Variants in CBFA2T3 observed in about 807,000 individuals in gnomAD.
CBFA2T3 encodes the protein CBFA2/RUNX1 partner transcriptional co-repressor 3.
In CBFA2T3, 31 loss-of-function variants were observed where a neutral mutation model predicts 58.6. The ratio of observed to expected loss-of-function variants is 0.53; its 90% CI spans 0.40 to 0.71. CBFA2T3 has a LOEUF of 0.71. Ranked by LOEUF, CBFA2T3 falls within the 30% of genes least tolerant of loss-of-function variation. The pLI is 0.00. For synonymous variants in CBFA2T3, 531 were observed against 421.9 expected, an observed-to-expected ratio of 1.26 and a Z score of -3.17; for missense variants, 1,076 against 963.1, an observed-to-expected ratio of 1.12 and a Z score of -1.55.
chr16:88,964,963 T>A (rs1472808459), intron 1 of CBFA2T3, among the ~76,000 whole-genome samples: 1 of 147,932 alleles, frequency 6.8e-6, no homozygotes, highest in Non-Finnish European at 1.5e-5. Context: ...TATCCATCTA[T>A]CCATCCATCC....
intron 3 of CBFA2T3, among the ~76,000 whole-genome samples, chr16:88,894,837 CGAG>C (rs1969823408): frequency 1.3e-5 from 2 of 152,338 alleles, no homozygotes; most frequent in South Asian, 4.1e-4. Flanking sequence ...CTGTGTGCGC[CGAG>C]GAGGAGGGGA....
intron 9 of CBFA2T3, 102 bp downstream of exon 9, chr16:88,881,189 T>A (rs548086880): frequency 3.1e-4 from 321 of 1,050,326 alleles, no homozygotes; most frequent in Non-Finnish European, 4.3e-4. Context: ...AGCGAAACTG[T>A]TCTGCCTGGT....
At chr16:88,900,098 C>T (rs1245089910) in intron 2 of CBFA2T3, among the ~76,000 whole-genome samples, 6 of 152,194 alleles carry the variant, frequency 3.9e-5, no homozygotes, top group Admixed American at 1.3e-4. Context: ...ACGCTGGGCC[C>T]GCCGTCCCCC....
chr16:88,976,383 G>C (rs917393453), intron 1 of CBFA2T3, among the ~76,000 whole-genome samples: 1 of 151,476 alleles, frequency 6.6e-6, no homozygotes, highest in Admixed American at 6.6e-5. Flanking sequence ...CCTCCTAGAC[G>C]GGGCTGAGCA....
At chr16:88,904,174 C>T (rs1419137124) in intron 1 of CBFA2T3, among the ~76,000 whole-genome samples, 3 of 152,218 alleles carry the variant, frequency 2.0e-5, no homozygotes, top group Non-Finnish European at 4.4e-5. Context: ...AGTGCCCTGC[C>T]GGCGCCCTGA....
chr16:88,934,785 G>A (rs1487418403), intron 1 of CBFA2T3, among the ~76,000 whole-genome samples: 1 of 152,174 alleles, frequency 6.6e-6, no homozygotes, highest in African/African-American at 2.4e-5. Flanking sequence ...TGTCGCCCAG[G>A]CTGGAGTGCA....
intron 11 of CBFA2T3, among the ~76,000 whole-genome samples, chr16:88,877,899 G>A (rs1968901420): frequency 6.6e-6 from 1 of 152,228 alleles, no homozygotes; most frequent in African/African-American, 2.4e-5. Context: ...AGACGGTTGG[G>A]CTGTGGGGTG....
At chr16:88,966,940 C>G (rs1027293048) in intron 1 of CBFA2T3, among the ~76,000 whole-genome samples, 4 of 152,242 alleles carry the variant, frequency 2.6e-5, no homozygotes, top group Non-Finnish European at 5.9e-5. Flanking sequence ...GTATCACACT[C>G]TAGTCCCTGT....
At chr16:88,891,714 A>G (rs894891000) in intron 5 of CBFA2T3, among the ~76,000 whole-genome samples, 168 bp downstream of exon 5, 2 of 152,116 alleles carry the variant, frequency 1.3e-5, no homozygotes, top group East Asian at 1.9e-4. Flanking sequence ...AGGGTACCAC[A>G]GGGTCCCAGG....
chr16:88,891,026 T>C (rs1406798421), intron 5 of CBFA2T3, among the ~76,000 whole-genome samples: 1 of 152,114 alleles, frequency 6.6e-6, no homozygotes, highest in Non-Finnish European at 1.5e-5. Flanking sequence ...GCCGAGAGCC[T>C]GCAAAGCTGA....
At chr16:88,930,977 A>G (rs1971281182) in intron 1 of CBFA2T3, among the ~76,000 whole-genome samples, 1 of 151,970 alleles carries the variant, frequency 6.6e-6, no homozygotes, top group African/African-American at 2.4e-5. Flanking sequence ...CTGAAGTGAC[A>G]CTATAACTCC....
At chr16:88,917,912 C>A (rs7201032) in intron 1 of CBFA2T3, among the ~76,000 whole-genome samples, 8 of 152,106 alleles carry the variant, frequency 5.3e-5, no homozygotes, top group African/African-American at 1.9e-4. Context: ...TCCCCTCTGT[C>A]CCTCCGGGGT....
chr16:88,931,463 C>G (rs1399936730), intron 1 of CBFA2T3, among the ~76,000 whole-genome samples: 1 of 152,172 alleles, frequency 6.6e-6, no homozygotes, highest in Non-Finnish European at 1.5e-5. Context: ...CCTTTCCAAC[C>G]CGAAGGTCTC....
chr16:88,944,371 C>G (rs1346474473), intron 1 of CBFA2T3, among the ~76,000 whole-genome samples: 1 of 151,780 alleles, frequency 6.6e-6, no homozygotes, highest in African/African-American at 2.4e-5. Context: ...GAAACCACCT[C>G]CCCTCCTCAT....
rs924993326 is a variant in CBFA2T3 at position 88,958,705 on chromosome 16, G to A, written c.151+17952C>T. On this transcript the variant is annotated intron_variant, in intron 1 of 11. Coordinates refer to ENST00000268679, the MANE Select transcript of CBFA2T3 (RefSeq NM_005187.6). The surrounding 1 kb of genome is among the most constrained non-coding windows in gnomAD (Gnocchi z 4.0). ...CCCAGGGCCGGGGGCTGGGGGCCTC[G>A]GTGTGGCCTTTGGAAGGAGATGAAC... 7.9e-5 allele frequency among the ~76,000 whole-genome samples: 12 copies of A among 151,918 alleles called. No individual in the cohort carries two copies. Among genetic ancestry groups the A allele is most frequent in the East Asian group, 5.8e-4 (3 of 5,162 alleles).
chr16:88,943,693 G>A (rs755924413), intron 1 of CBFA2T3, among the ~76,000 whole-genome samples: 1 of 152,148 alleles, frequency 6.6e-6, no homozygotes, highest in Non-Finnish European at 1.5e-5. Flanking sequence ...GGATGCTCCC[G>A]GAACGCCCAT....
rs1197020150 is a variant in CBFA2T3 at position 88,877,085 on chromosome 16, C to A, written c.1853G>T (p.Gly618Val). 1 of 1,539,910 alleles carries A rather than the reference C, an allele frequency of 6.5e-7. No individual in the cohort carries two copies. Among genetic ancestry groups the A allele is most frequent in the South Asian group, 1.2e-5 (1 of 83,694 alleles). ...PGPPEAAHSLGPSLPVGAASP... is the reference protein window; with the variant it reads ...PGPPEAAHSLVPSLPVGAASP... ...GGCAGCACCCACAGGCAGGGAGGGG[C>A]CCAGGCTGTGGGCGGCTTCGGGCGG... Residue 618 changes from glycine (G) to valine (V), a missense_variant, in exon 12 of 12, where the codon GGC (glycine) becomes GTC (valine). Gly to Val is a moderately radical substitution (Grantham distance 109). Coordinates refer to ENST00000268679, the MANE Select transcript of CBFA2T3 (RefSeq NM_005187.6).
chr16:88,882,755 G>C lies in CBFA2T3; in HGVS notation c.1124C>G (p.Pro375Arg). 1.3e-6 allele frequency: 2 copies of C among 1,574,420 alleles called. No individual in the cohort carries two copies. The highest frequency in any genetic ancestry group is 1.7e-6 in the Non-Finnish European group (2 of 1,158,982). Residue 375 changes from proline (P) to arginine (R), a missense_variant, in exon 8 of 12, where the codon CCT becomes CGT. Coordinates refer to ENST00000268679, the MANE Select transcript of CBFA2T3 (RefSeq NM_005187.6). ...LRERHRPLVV[P>R]GSRQEEVIDH... ...GATCACTTCTTCCTGCCGGGACCCA[G>C]GCACCACTGTGGATGGGGGAGGTGC...
chr16:88,881,975 C>G (rs1326632441), intron 8 of CBFA2T3, among the ~76,000 whole-genome samples: 1 of 152,238 alleles, frequency 6.6e-6, no homozygotes, highest in East Asian at 1.9e-4. Context: ...GGCCTCGGCA[C>G]TGCTTTTGCC....
Sources: gnomAD v4.1 joint callset for allele counts (sites outside exome capture counted in the v4.1 genomes callset) on GRCh38, gnomAD v4.1.1 for gene constraint, Gnocchi (gnomAD v3.1) non-coding constraint, MANE v1.5 for transcripts, NCBI Gene and HGNC (gene_info 2026-07-23, HGNC 2026-07-21) for gene names.